Variants in ACAP2 observed in about 807,000 individuals in gnomAD.
ACAP2 encodes arf-GAP with coiled-coil, ANK repeat and PH domain-containing protein 2.
In ACAP2, 39 loss-of-function variants were observed where a neutral mutation model predicts 115.8. That is an observed-to-expected ratio of 0.34 (90% CI 0.26 to 0.44). The LOEUF (loss-of-function observed/expected upper bound fraction) is 0.44. Ranked by LOEUF, ACAP2 falls within the 20% of genes least tolerant of loss-of-function variation. ACAP2 has a pLI of 1.00. For missense variants in ACAP2, 662 were observed against 927.6 expected (o/e 0.71, Z 3.72); for synonymous variants, 289 against 315.8 (o/e 0.92, Z 0.90).
At position 195,342,506 on chromosome 3, in the gene ACAP2, A is replaced by G; in HGVS notation, c.493T>C (p.Cys165Arg). The change falls in exon 6 of 23, where the codon TGT becomes CGT. Residue 165 changes from cysteine to arginine, a missense_variant. By Grantham distance (180) the Cys-to-Arg change is radical (BLOSUM62 -3). This residue lies in a region of ACAP2 where 401 missense variants were observed against 604.4 expected (regional missense o/e 0.66). Coordinates refer to ENST00000326793, the MANE Select transcript of ACAP2 (RefSeq NM_012287.6). Reference sequence around the variant, plus strand: ...TAATCGAGGGCTATGTGTCGGAAACATTTTCTTGTTGCTGTCAGAATGTTG... The same window carrying G: ...TAATCGAGGGCTATGTGTCGGAAACGTTTTCTTGTTGCTGTCAGAATGTTG... The part of the protein sequence containing the change: ...ATNILTATRK[C>R]FRHIALDYVL... 1 of 1,610,404 alleles carries G rather than the reference A, an allele frequency of 6.2e-7. No individual in the cohort carries two copies. The highest frequency in any genetic ancestry group is 8.5e-7 in the Non-Finnish European group (1 of 1,179,166).
At chr3:195,415,929 T>G (rs769259056) in intron 1 of ACAP2, among the ~76,000 whole-genome samples, 1 of 152,040 alleles carries the variant, frequency 6.6e-6, no homozygotes, top group African/African-American at 2.4e-5. Flanking sequence ...AACAAAGGAT[T>G]AGACTATCTA....
At chr3:195,305,895 T>C (rs1728389712) in intron 13 of ACAP2, among the ~76,000 whole-genome samples, 1 of 151,914 alleles carries the variant, frequency 6.6e-6, no homozygotes, top group South Asian at 2.1e-4. Flanking sequence ...CCACGGTAAG[T>C]TTTGGAATAC....
intron 1 of ACAP2, among the ~76,000 whole-genome samples, chr3:195,394,259 C>A (rs147361355): frequency 6.6e-6 from 1 of 152,092 alleles, no homozygotes; most frequent in East Asian, 1.9e-4. Context: ...AGTACAGACA[C>A]GCAAACAAAA....
chr3:195,375,578 G>A (rs537955018), intron 4 of ACAP2, among the ~76,000 whole-genome samples: 60 of 150,920 alleles, frequency 4.0e-4, no homozygotes, highest in Admixed American at 2.6e-3. Flanking sequence ...TTGGGAAGCC[G>A]AGGCAGGATG....
chr3:195,438,243 G>A (rs1003181627), intron 1 of ACAP2, among the ~76,000 whole-genome samples: 2 of 151,608 alleles, frequency 1.3e-5, no homozygotes, highest in African/African-American at 4.9e-5. Flanking sequence ...GGCCAGGCTG[G>A]TTTCGAACTC....
chr3:195,298,781 A>G (rs6791601), intron 15 of ACAP2, among the ~76,000 whole-genome samples: 115,881 of 151,858 alleles, frequency 0.76, 44,641 homozygotes, highest in East Asian at 0.93. Context: ...ACAAGCATGC[A>G]CCACCACGCC....
intron 4 of ACAP2, among the ~76,000 whole-genome samples, chr3:195,355,738 G>C (rs562980904): frequency 1.3e-5 from 2 of 152,290 alleles, no homozygotes; most frequent in South Asian, 4.1e-4. Flanking sequence ...CAAAGATCTA[G>C]TCCAGAAAGG....
intron 13 of ACAP2, 28 bp from the exon 14 acceptor site, chr3:195,302,202 T>A (rs570644438): frequency 2.3e-4 from 283 of 1,240,210 alleles, no homozygotes; most frequent in Middle Eastern, 1.1e-3. Context: ...TACTTGTTTT[T>A]AAAAAAAAAA....
rs974360415 is a variant in ACAP2, at chr3:195,285,776, G to C, written c.2236+20C>G. The C allele has an allele frequency of 3.8e-6, 6 of 1,585,674 alleles. No homozygotes were observed. In the East Asian group the frequency reaches 9.0e-5, roughly 24 times the overall value. Reference sequence around the variant, plus strand: ...ATTTCTTATACTGCATTTCAGTATGGTTATTAGTAGAATATTGACCTGGCT... The same window carrying C: ...ATTTCTTATACTGCATTTCAGTATGCTTATTAGTAGAATATTGACCTGGCT... On this transcript the variant is annotated intron_variant, in intron 22 of 22. Transcript: ENST00000326793.
At position 195,308,841 on chromosome 3, in the gene ACAP2, C is replaced by G; in HGVS notation, c.858-4G>C. On this transcript the variant is annotated splice_polypyrimidine_tract_variant and splice_region_variant and intron_variant, in intron 10 of 22. Transcript: ENST00000326793. ...ATTCTGTATTGAAAACCAGCGCCTACAGAAACACAAAATAGATTAAGTTTT... is the reference window on the plus strand; with the variant it reads ...ATTCTGTATTGAAAACCAGCGCCTAGAGAAACACAAAATAGATTAAGTTTT... The G allele has an allele frequency of 6.2e-7, 1 of 1,605,420 alleles. No homozygotes were observed. The highest frequency in any genetic ancestry group is 8.5e-7 in the Non-Finnish European group (1 of 1,177,336).
chr3:195,304,676 CAGTGCTT>C (rs2108976497), intron 13 of ACAP2, among the ~76,000 whole-genome samples: 1 of 152,310 alleles, frequency 6.6e-6, no homozygotes, highest in South Asian at 2.1e-4. Flanking sequence ...CTAAGATACC[CAGTGCTT>C]AGCTCCCCAC....
intron 4 of ACAP2, among the ~76,000 whole-genome samples, chr3:195,367,364 A>G (rs185431319): frequency 3.9e-5 from 6 of 152,320 alleles, no homozygotes; most frequent in African/African-American, 9.6e-5. Context: ...TGTCAGGATC[A>G]CCTGGGGAGA....
At chr3:195,364,078 G>GCAAC (rs1194587844) in intron 4 of ACAP2, among the ~76,000 whole-genome samples, 1 of 152,094 alleles carries the variant, frequency 6.6e-6, no homozygotes, top group Non-Finnish European at 1.5e-5. Flanking sequence ...AGAAGCACAG[G>GCAAC]CAACCAAGGC....
intron 1 of ACAP2, among the ~76,000 whole-genome samples, chr3:195,397,835 T>C (rs1711931909): frequency 6.6e-6 from 1 of 152,224 alleles, no homozygotes; most frequent in Non-Finnish European, 1.5e-5. Flanking sequence ...AATCTCTTTT[T>C]GTTTTCATGT....
At chr3:195,428,336 GTATA>G (rs200673812) in intron 1 of ACAP2, among the ~76,000 whole-genome samples, 1 of 135,472 alleles carries the variant, frequency 7.4e-6, no homozygotes, top group South Asian at 2.7e-4. Context: ...AGGTGTGTGT[GTATA>G]TATATATACA....
rs551373255 is a variant in ACAP2 at position 195,442,989 on chromosome 3, T to C, written c.-142A>G. 21 of 680,342 alleles carry C rather than the reference T, an allele frequency of 3.1e-5. 1 individual carries two copies. The highest frequency in any genetic ancestry group is 4.4e-4 in the Middle Eastern group (1 of 2,288). The allele number at this position is 680,342 out of a possible 1,614,324, so 42.1% of individuals were successfully genotyped here. ...CGAAGGGCGCCTCGCCCGCTGGTCA[T>C]AGCAGCCGCGAAGACGGCGACGACT... On this transcript the variant is annotated 5_prime_UTR_variant, in exon 1 of 23. It removes an upstream start codon present in the reference 5' UTR. Transcript: ENST00000326793.
rs754956883 is a variant in ACAP2 at position 195,342,627 on chromosome 3, C to T, written c.372G>A (p.Lys124=). The T allele has an allele frequency of 8.8e-6, 14 of 1,595,516 alleles. No individual in the cohort carries two copies. In the Admixed American group the frequency reaches 9.2e-5, roughly 10 times the overall value. The change falls in exon 6 of 23, where the codon AAG becomes AAA. Residue 124 remains lysine (K), a synonymous_variant. Coordinates refer to ENST00000326793, the MANE Select transcript of ACAP2 (RefSeq NM_012287.6). ...KEDLRKFKDA[K]KQFEKVSEEK... ...CTTCACTGACTTTTTCGAATTGCTT[C>T]TTGGCATCTTTGAATTTTCTAAGAT...
intron 4 of ACAP2, among the ~76,000 whole-genome samples, chr3:195,367,087 T>A (rs1393135000): frequency 6.9e-6 from 1 of 145,730 alleles, no homozygotes; most frequent in African/African-American, 2.5e-5. Context: ...ATGGGCTGGA[T>A]ATGGCCTGCA....
chr3:195,304,163 CAAAAAAAAAAAAAAAA>C (rs56055597), intron 13 of ACAP2, among the ~76,000 whole-genome samples: 24 of 63,276 alleles, frequency 3.8e-4, no homozygotes, highest in East Asian at 4.7e-4. Flanking sequence ...GACTCCATCT[CAAAAAAAAAAAAAAAA>C]AAAAAAAAAA....
Sources: allele counts gnomAD v4.1 joint callset (sites outside exome capture counted in the v4.1 genomes callset), GRCh38; gene constraint gnomAD v4.1.1; regional missense constraint gnomAD v4.1.1; transcripts MANE v1.5; gene names NCBI Gene and HGNC (gene_info 2026-07-23, HGNC 2026-07-21).